The following TRMT1L variants were observed in gnomAD, a reference collection of about 807,000 sequenced individuals.
TRMT1L encodes tRNA (guanine(27)-N(2))-dimethyltransferase.
In TRMT1L, 28 loss-of-function variants were observed where a neutral mutation model predicts 81.6. The observed-to-expected ratio is 0.34, with a 90% confidence interval of 0.25 to 0.47. The LOEUF (loss-of-function observed/expected upper bound fraction) is 0.47. Among genes scored for constraint, TRMT1L ranks in the 20% least tolerant of loss-of-function variants. The pLI, the probability that TRMT1L is intolerant of heterozygous loss-of-function variation, is 1.00. For synonymous variants in TRMT1L, 301 were observed against 303.2 expected (o/e 0.99, Z 0.07); for missense variants, 739 against 877.1 (o/e 0.84, Z 1.99).
At chr1:185,140,947 T>C (rs574552051) in intron 7 of TRMT1L, among the ~76,000 whole-genome samples, 1 of 132,204 alleles carries the variant, frequency 7.6e-6, no homozygotes, top group Non-Finnish European at 1.6e-5. Context: ...CAAGACCCCA[T>C]CTCAAAGCCG....
At position 185,120,143 on chromosome 1, in the gene TRMT1L, G is replaced by A. The variant is rs777183997; in HGVS notation, c.2078C>T (p.Thr693Ile). 5 of 1,613,876 alleles carry A rather than the reference G, an allele frequency of 3.1e-6. No individual in the cohort carries two copies. The African/African-American group carries it at 6.7e-5, about 22-fold the overall frequency. The change falls in exon 15 of 15, where the codon ACC becomes ATC. Residue 693 changes from threonine (T) to isoleucine (I), a missense_variant. Transcript: ENST00000367506. ...QFKSILLKYS[T>I]PTYTGGQSES... ...TGACTGTCCTCCAGTGTAGGTGGGGGTGCTGTACTTTAAAAGGATAGATTT... is the reference window on the plus strand; with the variant it reads ...TGACTGTCCTCCAGTGTAGGTGGGGATGCTGTACTTTAAAAGGATAGATTT...
At position 185,120,131 on chromosome 1, in the gene TRMT1L, G is replaced by C; in HGVS notation, c.2090C>G (p.Thr697Ser). The change falls in exon 15 of 15, where the codon ACT becomes AGT. Residue 697 changes from threonine to serine, a missense_variant. Physicochemically the swap from Thr to Ser is moderately conservative, Grantham distance 58. Coordinates refer to ENST00000367506, the MANE Select transcript of TRMT1L (RefSeq NM_030934.5). Reference sequence around the variant, plus strand: ...GACATGGCTTTCTGACTGTCCTCCAGTGTAGGTGGGGGTGCTGTACTTTAA... The same window carrying C: ...GACATGGCTTTCTGACTGTCCTCCACTGTAGGTGGGGGTGCTGTACTTTAA... The part of the protein sequence containing the change: ...ILLKYSTPTY[T>S]GGQSESHVQS... 4 of 1,613,992 alleles carry C rather than the reference G, an allele frequency of 2.5e-6. No homozygotes were observed. Among genetic ancestry groups the C allele is most frequent in the Non-Finnish European group, 2.5e-6 (3 of 1,179,924 alleles).
intron 10 of TRMT1L, among the ~76,000 whole-genome samples, chr1:185,135,704 T>C (rs1220003276): frequency 6.6e-6 from 1 of 151,964 alleles, no homozygotes; most frequent in African/African-American, 2.4e-5. Flanking sequence ...AATCAGTTTT[T>C]CAATTCCTAA....
intron 10 of TRMT1L, among the ~76,000 whole-genome samples, chr1:185,133,596 C>CTTTTTTTTTTT (rs780906966): frequency 7.3e-6 from 1 of 137,912 alleles, no homozygotes. Context: ...TTCTGACTTG[C>CTTTTTTTTTTT]TTTTTTTTTT....
chr1:185,134,817 T>C (rs1006185937), intron 10 of TRMT1L, among the ~76,000 whole-genome samples: 44 of 152,198 alleles, frequency 2.9e-4, no homozygotes, highest in African/African-American at 8.7e-4. Context: ...ATGAGCTCTA[T>C]TGAGTAAACT....
At chr1:185,126,338 A>T (rs1277808132) in intron 11 of TRMT1L, among the ~76,000 whole-genome samples, 1 of 152,158 alleles carries the variant, frequency 6.6e-6, no homozygotes, top group Non-Finnish European at 1.5e-5. Flanking sequence ...TCTGTCGCCC[A>T]GGCTAGAGTG....
chr1:185,144,667 A>G (rs768767529), intron 5 of TRMT1L, among the ~76,000 whole-genome samples: 23 of 129,052 alleles, frequency 1.8e-4, no homozygotes, highest in Non-Finnish European at 3.6e-4. Context: ...TATGTTTTAA[A>G]TATTTAAGAA....
chr1:185,121,418 A>G (rs1267417312), intron 13 of TRMT1L, among the ~76,000 whole-genome samples: 1 of 152,006 alleles, frequency 6.6e-6, no homozygotes, highest in Non-Finnish European at 1.5e-5. Flanking sequence ...GTCTAGCCTG[A>G]GCAACACAGT....
rs1571365066 is a variant in TRMT1L at position 185,156,635 on chromosome 1, G to A, written c.78C>T (p.Thr26=). 2 of 1,606,580 alleles carry A rather than the reference G, an allele frequency of 1.2e-6. No individual in the cohort carries two copies. Among genetic ancestry groups the A allele is most frequent in the East Asian group, 2.2e-5 (1 of 44,570 alleles). The change falls in exon 1 of 15, where the codon ACC becomes ACT. Residue 26 remains threonine, a synonymous_variant. Coordinates refer to ENST00000367506, the MANE Select transcript of TRMT1L (RefSeq NM_030934.5). ...EVEVAQVQVP[T]PARDSAGVPA... ...GGACCCCAGCCGAGTCCCGGGCCGG[G>A]GTCGGGACCTGGACCTGGGCCACCT...
chr1:185,125,749 A>G (rs1417793551), intron 11 of TRMT1L, among the ~76,000 whole-genome samples: 1 of 152,244 alleles, frequency 6.6e-6, no homozygotes, highest in East Asian at 1.9e-4. Context: ...TGTGGTACAC[A>G]GAGGGTGTGT....
At position 185,143,980 on chromosome 1, in the gene TRMT1L, A is replaced by G. The variant is rs1653118830; in HGVS notation, c.705T>C (p.Asp235=). The change falls in exon 6 of 15, where the codon GAT becomes GAC. Residue 235 remains aspartate (D), a synonymous_variant. Coordinates refer to ENST00000367506, the MANE Select transcript of TRMT1L (RefSeq NM_030934.5). ...TAGAATAGTTGGGACAAACTTGTAC[A>G]TCCGTGTCTGCCTCTTTCAAAATTT... ...PKEILKEADT[D]VQVCPNYSIP... 26 of 1,611,158 alleles carry G rather than the reference A, an allele frequency of 1.6e-5. No individual in the cohort carries two copies. Among genetic ancestry groups the G allele is most frequent in the East Asian group, 2.2e-5 (1 of 44,710 alleles).
chr1:185,156,493 C>G lies in TRMT1L; in HGVS notation c.220G>C (p.Glu74Gln), dbSNP rs2102267943. ...ALSPSLASAP[E>Q]EAKSKRHISI... is the part of the protein sequence containing the mutation. ...CTGCACTTACTGCTTTTAGCCTCCT[C>G]AGGGGCAGAGGCTAGGGACGGGGAC... The change falls in exon 1 of 15, where the codon GAG becomes CAG. Residue 74 changes from glutamate to glutamine, a missense_variant. Glu to Gln is a conservative substitution (Grantham distance 29). Around this residue, in one of 4 missense-constraint regions of TRMT1L, gnomAD observed 209 missense variants for 165.4 expected, o/e 1.26. Transcript: ENST00000367506. 6.2e-7 allele frequency: 1 copy of G among 1,613,936 alleles called. No individual in the cohort carries two copies. The highest frequency in any genetic ancestry group is 8.5e-7 in the Non-Finnish European group (1 of 1,179,892).
intron 1 of TRMT1L, among the ~76,000 whole-genome samples, chr1:185,154,230 C>T (rs1024895983): frequency 2.6e-5 from 4 of 152,156 alleles, no homozygotes; most frequent in Admixed American, 2.6e-4. Context: ...TGCTCTGTCA[C>T]CCAGCCTCCA....
intron 4 of TRMT1L, among the ~76,000 whole-genome samples, chr1:185,146,962 T>C (rs1319733837): frequency 6.6e-6 from 1 of 152,060 alleles, no homozygotes; most frequent in Non-Finnish European, 1.5e-5. Flanking sequence ...GCAATTTATC[T>C]GACTTAAACT....
At chr1:185,148,752 T>C (rs1375198038) in intron 3 of TRMT1L, among the ~76,000 whole-genome samples, 2 of 152,222 alleles carry the variant, frequency 1.3e-5, no homozygotes, top group Non-Finnish European at 2.9e-5. Flanking sequence ...CAGTATGGTT[T>C]ATCATACATT....
At position 185,139,954 on chromosome 1, in the gene TRMT1L, G is replaced by A. The variant is rs750916471; in HGVS notation, c.1109+19C>T. On this transcript the variant is annotated intron_variant, in intron 8 of 14. Coordinates refer to ENST00000367506, the MANE Select transcript of TRMT1L (RefSeq NM_030934.5). Reference sequence around the variant, plus strand: ...TCAGATAAGTTTAGAAAGTGACACGGCAAGTCTTTTCTACTTACATGAAAT... The same window carrying A: ...TCAGATAAGTTTAGAAAGTGACACGACAAGTCTTTTCTACTTACATGAAAT... 15 of 1,592,824 alleles carry A rather than the reference G, an allele frequency of 9.4e-6. No individual in the cohort carries two copies. The South Asian group carries it at 1.6e-4, about 17-fold the overall frequency.
At chr1:185,156,336 A>G in intron 1 of TRMT1L, 142 bp downstream of exon 1, 1 of 1,576,854 alleles carries the variant, frequency 6.3e-7, no homozygotes, top group South Asian at 1.1e-5. Context: ...TAGCCGCTAC[A>G]CGGGCCCCTC....
chr1:185,141,841 T>G (rs1439742425), intron 7 of TRMT1L, among the ~76,000 whole-genome samples: 1 of 152,202 alleles, frequency 6.6e-6, no homozygotes, highest in African/African-American at 2.4e-5. Flanking sequence ...AATGACTTTT[T>G]TGATTGATAA....
intron 5 of TRMT1L, 31 bp from the exon 6 acceptor site, chr1:185,144,060 G>T (rs770160178): frequency 1.3e-6 from 2 of 1,541,172 alleles, no homozygotes; most frequent in East Asian, 2.3e-5. Flanking sequence ...GATTTCCAGG[G>T]AAACACAAAA....
Sources: gnomAD v4.1 joint callset for allele counts (sites outside exome capture counted in the v4.1 genomes callset) on GRCh38, gnomAD v4.1.1 for gene constraint, gnomAD v4.1.1 regional missense constraint, MANE v1.5 for transcripts, NCBI Gene and HGNC (gene_info 2026-07-23, HGNC 2026-07-21) for gene names.